The following ZMAT3 variants were observed in gnomAD, a reference collection of about 807,000 sequenced individuals.
The protein encoded by ZMAT3 is zinc finger matrin-type protein 3.
ZMAT3 carries 17 observed loss-of-function variants against 32.3 expected under a neutral mutation model. That is an observed-to-expected ratio of 0.53 (90% CI 0.36 to 0.79). ZMAT3 has a LOEUF of 0.79. Ranked by LOEUF, ZMAT3 falls within the 30% of genes least tolerant of loss-of-function variation. The pLI, the probability that ZMAT3 is intolerant of heterozygous loss-of-function variation, is 0.00. For missense variants in ZMAT3, 329 were observed against 359.7 expected, an observed-to-expected ratio of 0.91 and a Z score of 0.69; for synonymous variants, 120 against 133.1, an observed-to-expected ratio of 0.90 and a Z score of 0.68.
At chr3:179,067,167 G>A (rs944809366) in intron 2 of ZMAT3, among the ~76,000 whole-genome samples, 1 of 152,204 alleles carries the variant, frequency 6.6e-6, no homozygotes, top group Non-Finnish European at 1.5e-5. Flanking sequence ...CTGGTAAATA[G>A]TGGTTTAAAT....
intron 2 of ZMAT3, among the ~76,000 whole-genome samples, chr3:179,062,867 A>T (rs1235953955): frequency 6.6e-6 from 1 of 152,228 alleles, no homozygotes; most frequent in East Asian, 1.9e-4. Context: ...ACAGCAAGTT[A>T]CTATCAAGGT....
chr3:179,025,313 C>G, intron 5 of ZMAT3, 85 bp from the exon 6 acceptor site: 6 of 1,128,362 alleles, frequency 5.3e-6, no homozygotes, highest in Non-Finnish European at 7.6e-6. Context: ...ATTTGTAATT[C>G]TAAGTTCAAA....
In ZMAT3 at chr3:179,022,852, T is replaced by C. The variant is rs1718620019; in HGVS notation, c.*2165A>G. On this transcript the variant is annotated 3_prime_UTR_variant, in exon 6 of 6. Transcript: ENST00000311417. ...CGTTTTTAAACATGGGTCTGAGTTG[T>C]TTAAAAATTGTCCCAAAGTATTACA... 1.3e-5 allele frequency: 2 copies of C among 152,196 alleles called. No homozygotes were observed. The allele number at this position is 152,196 out of a possible 1,614,324, so 9.4% of individuals were successfully genotyped here. A position where few individuals can be genotyped will look rare whatever the true frequency, so the allele number is the denominator to read the frequency against.
At chr3:179,029,942 T>C (rs1719088385) in intron 3 of ZMAT3, among the ~76,000 whole-genome samples, 1 of 152,212 alleles carries the variant, frequency 6.6e-6, no homozygotes, top group Non-Finnish European at 1.5e-5. Flanking sequence ...GTATGAAACA[T>C]GCTCAGCACA....
At chr3:179,027,962 G>A in intron 3 of ZMAT3, 150 bp from the exon 4 acceptor site, 5 of 818,924 alleles carry the variant, frequency 6.1e-6, no homozygotes, top group Non-Finnish European at 9.0e-6. Flanking sequence ...ATTCAATCCA[G>A]GAAAACAAAA....
chr3:179,031,091 A>ATC, intron 2 of ZMAT3, 92 bp from the exon 3 acceptor site: 2 of 1,160,190 alleles, frequency 1.7e-6, no homozygotes, highest in Non-Finnish European at 2.3e-6. Flanking sequence ...GTCCAAAAAT[A>ATC]TTAAGATATT....
chr3:179,068,333 GA>G (rs1721528497), intron 1 of ZMAT3, among the ~76,000 whole-genome samples: 1 of 152,022 alleles, frequency 6.6e-6, no homozygotes, highest in Admixed American at 6.6e-5. Context: ...ACAACATGGT[GA>G]AACCCCGTCT....
chr3:179,029,556 C>T (rs894179924), intron 3 of ZMAT3, among the ~76,000 whole-genome samples: 10 of 152,220 alleles, frequency 6.6e-5, no homozygotes, highest in Admixed American at 2.6e-4. Context: ...CTCCACCTCC[C>T]GGGTTCAAGT....
intron 2 of ZMAT3, among the ~76,000 whole-genome samples, chr3:179,048,635 C>T (rs1720375500): frequency 6.6e-6 from 1 of 152,100 alleles, no homozygotes; most frequent in African/African-American, 2.4e-5. Flanking sequence ...CACTACCAAG[C>T]CAGCATTACA....
At chr3:179,032,497 C>T (rs368895803) in intron 2 of ZMAT3, among the ~76,000 whole-genome samples, 20 of 151,406 alleles carry the variant, frequency 1.3e-4, no homozygotes, top group Admixed American at 2.6e-4. Context: ...TCTGCCCGGC[C>T]GCCCAGTCTG....
rs1476578944 is a variant in ZMAT3, at chr3:179,020,910, T to C, written c.*4107A>G. ...CCTGTTCAAACTGTAGATAGGTAGC[T>C]ATAAGCAAGCATATAGTTCTGTAGA... On this transcript the variant is annotated 3_prime_UTR_variant, in exon 6 of 6. Coordinates refer to ENST00000311417, the MANE Select transcript of ZMAT3 (RefSeq NM_022470.4). 1 of 152,240 alleles carries C rather than the reference T, an allele frequency of 6.6e-6. No individual in the cohort carries two copies. The highest frequency in any genetic ancestry group is 1.5e-5 in the Non-Finnish European group (1 of 68,030). 9.4% of individuals were successfully genotyped at this position (152,240 alleles called of 1,614,324 possible).
At chr3:179,034,085 C>G (rs1719448686) in intron 2 of ZMAT3, among the ~76,000 whole-genome samples, 1 of 152,184 alleles carries the variant, frequency 6.6e-6, no homozygotes, top group African/African-American at 2.4e-5. Context: ...CAAAAGCATT[C>G]TAAATAAGGG....
At chr3:179,035,854 G>A (rs1719561037) in intron 2 of ZMAT3, among the ~76,000 whole-genome samples, 1 of 152,208 alleles carries the variant, frequency 6.6e-6, no homozygotes, top group African/African-American at 2.4e-5. Context: ...TGAAAAGGGG[G>A]CAACTGACTC....
In ZMAT3 at chr3:179,031,281, C is replaced by T. The variant is rs200587097; in HGVS notation, c.271-282G>A. 4.0e-5 allele frequency among the ~76,000 whole-genome samples: 6 copies of T among 149,594 alleles called. No individual in the cohort carries two copies. The East Asian group carries it at 7.8e-4, about 19-fold the overall frequency. On this transcript the variant is annotated intron_variant, in intron 2 of 5. Transcript: ENST00000311417. ...CATATAGAAGAGTTCAGAAATATCA[C>T]GGTTTTAGGCTTCTACTAGAGGTCT...
At chr3:179,063,530 T>A (rs1395006854) in intron 2 of ZMAT3, among the ~76,000 whole-genome samples, 4 of 152,248 alleles carry the variant, frequency 2.6e-5, no homozygotes, top group Non-Finnish European at 5.9e-5. Flanking sequence ...AGTAAGTAGA[T>A]CTTTTTAAAT....
chr3:179,054,111 A>G (rs1560095446), intron 2 of ZMAT3, among the ~76,000 whole-genome samples: 1 of 152,222 alleles, frequency 6.6e-6, no homozygotes, highest in Non-Finnish European at 1.5e-5. Context: ...AATTCAAACT[A>G]AAATGTTGAT....
intron 2 of ZMAT3, among the ~76,000 whole-genome samples, chr3:179,058,532 G>A (rs191948177): frequency 3.0e-4 from 45 of 152,208 alleles, no homozygotes; most frequent in African/African-American, 8.7e-4. Flanking sequence ...CGAGGCGGGC[G>A]GATCACGAGG....
intron 2 of ZMAT3, among the ~76,000 whole-genome samples, chr3:179,057,684 C>T (rs956407643): frequency 7.9e-5 from 12 of 152,330 alleles, no homozygotes; most frequent in Middle Eastern, 3.4e-3. Context: ...TAAATACTTA[C>T]GGCTAAAATT....
Position 179,027,458 on chromosome 3 carries a change from T to C in ZMAT3, c.623A>G (p.Asn208Ser). The change falls in exon 5 of 6, where the codon AAC becomes AGC. Residue 208 changes from asparagine to serine, a missense_variant. Physicochemically the swap from Asn to Ser is conservative, Grantham distance 46. Transcript: ENST00000311417. ...KEGNEFKMMP[N>S]RRNMYTVQNN... is the part of the protein sequence containing the mutation. ...CTGTACTGTATACATATTTCTCCTGTTAGGCATCATCTTAAACTCATTCCC... is the reference window on the plus strand; with the variant it reads ...CTGTACTGTATACATATTTCTCCTGCTAGGCATCATCTTAAACTCATTCCC... The C allele has an allele frequency of 6.2e-7, 1 of 1,614,226 alleles. No individual in the cohort carries two copies. Among genetic ancestry groups the C allele is most frequent in the Non-Finnish European group, 8.5e-7 (1 of 1,180,034 alleles).
Sources: allele counts gnomAD v4.1 joint callset (sites outside exome capture counted in the v4.1 genomes callset), GRCh38; gene constraint gnomAD v4.1.1; transcripts MANE v1.5; gene names NCBI Gene and HGNC (gene_info 2026-07-23, HGNC 2026-07-21).